The following GPC6 variants were observed in gnomAD, a reference collection of about 807,000 sequenced individuals.
GPC6 encodes glypican-6.
Under a neutral mutation model 55.2 loss-of-function variants are expected in GPC6, and 14 were observed. The ratio of observed to expected loss-of-function variants is 0.25; its 90% confidence interval spans 0.17 to 0.40. The LOEUF (loss-of-function observed/expected upper bound fraction) is 0.40, where lower values mean the gene tolerates loss of function less well. GPC6 is among the 10% of genes least tolerant of loss of function. The pLI is 1.00. For missense variants in GPC6, 641 were observed against 708.5 expected, an observed-to-expected ratio of 0.90 and a Z score of 1.08; for synonymous variants, 278 against 259.6, an observed-to-expected ratio of 1.07 and a Z score of -0.68.
intron 3 of GPC6, among the ~76,000 whole-genome samples, chr13:93,936,938 G>A (rs1030048074): frequency 2.0e-5 from 3 of 152,162 alleles, no homozygotes; most frequent in African/African-American, 7.2e-5. Flanking sequence ...ATATTTTGTG[G>A]TTACTAGGTG....
At chr13:93,409,614 G>A (rs907075803) in intron 1 of GPC6, among the ~76,000 whole-genome samples, 7 of 152,124 alleles carry the variant, frequency 4.6e-5, no homozygotes, top group Non-Finnish European at 1.0e-4. Context: ...TTGTGGCCTG[G>A]AACCTTTTGT....
At chr13:94,016,167 G>A (rs547973702) in intron 3 of GPC6, among the ~76,000 whole-genome samples, 22 of 152,216 alleles carry the variant, frequency 1.4e-4, no homozygotes, top group African/African-American at 4.6e-4. Flanking sequence ...CTTATTTTAC[G>A]TAGCATAATG....
intron 2 of GPC6, among the ~76,000 whole-genome samples, chr13:93,600,949 CAAAAAAA>C (rs1196219049): frequency 3.7e-5 from 1 of 27,024 alleles, no homozygotes; most frequent in Non-Finnish European, 8.1e-5. Context: ...AATTCCGCCT[CAAAAAAA>C]AAAAAAAAAA....
intron 1 of GPC6, among the ~76,000 whole-genome samples, chr13:93,461,085 G>C (rs1446733386): frequency 6.6e-6 from 1 of 151,984 alleles, no homozygotes; most frequent in Non-Finnish European, 1.5e-5. Context: ...ATATGTGTGT[G>C]TTTTGTTTTT....
chr13:93,377,209 G>T (rs1396311796), intron 1 of GPC6, among the ~76,000 whole-genome samples: 1 of 152,172 alleles, frequency 6.6e-6, no homozygotes, highest in African/African-American at 2.4e-5. Flanking sequence ...AGATGGGCCA[G>T]AGAAACACCA....
At chr13:93,243,893 G>A (rs1432242216) in intron 1 of GPC6, among the ~76,000 whole-genome samples, 1 of 152,128 alleles carries the variant, frequency 6.6e-6, no homozygotes, top group African/African-American at 2.4e-5. Context: ...CTGCTGGGGT[G>A]GCCATGGGAT....
chr13:93,298,810 G>A lies in GPC6; in HGVS notation c.160+71194G>A, dbSNP rs569386928. On this transcript the variant is annotated intron_variant, in intron 1 of 8. Coordinates refer to ENST00000377047, the MANE Select transcript of GPC6 (RefSeq NM_005708.5). Reference sequence around the variant, plus strand: ...GCCTGACGTGGATTTTCTCTCTCTGGGAGTCTAGGTTAGGTATCTCTCAAG... The same window carrying A: ...GCCTGACGTGGATTTTCTCTCTCTGAGAGTCTAGGTTAGGTATCTCTCAAG... Among the ~76,000 whole-genome samples, 3 of 151,574 alleles carry A rather than the reference G, an allele frequency of 2.0e-5. No individual in the cohort carries two copies. In the South Asian group the frequency reaches 6.2e-4, roughly 32 times the overall value.
intron 4 of GPC6, among the ~76,000 whole-genome samples, chr13:94,205,213 A>G (rs1355076210): frequency 1.3e-5 from 2 of 152,162 alleles, no homozygotes; most frequent in African/African-American, 4.8e-5. Flanking sequence ...ACCGTTTCTT[A>G]GTCACTGCTA....
At chr13:94,187,182 A>C (rs1184146783) in intron 4 of GPC6, 1 of 152,170 alleles carries the variant, frequency 6.6e-6, no homozygotes, top group Non-Finnish European at 1.5e-5. Context: ...CAACGTGTGT[A>C]TCCTCCCTCA....
At chr13:94,318,224 C>T (rs1160537466) in intron 6 of GPC6, among the ~76,000 whole-genome samples, 1 of 152,122 alleles carries the variant, frequency 6.6e-6, no homozygotes. Flanking sequence ...CTATCAATTA[C>T]TGAAAGAGAG....
chr13:94,040,209 C>A (rs1408216654), intron 4 of GPC6, among the ~76,000 whole-genome samples: 2 of 151,732 alleles, frequency 1.3e-5, no homozygotes, highest in Non-Finnish European at 2.9e-5. Flanking sequence ...TTTACAAAAA[C>A]CTTCCCCAAA....
intron 4 of GPC6, among the ~76,000 whole-genome samples, chr13:94,185,272 AAAAG>A (rs1356776319): frequency 4.9e-4 from 75 of 151,954 alleles, no homozygotes; most frequent in Middle Eastern, 3.4e-3. Context: ...AAAAAAAAAA[AAAAG>A]AAGCCATTGG....
At chr13:93,299,798 C>T (rs1878612456) in intron 1 of GPC6, among the ~76,000 whole-genome samples, 1 of 152,152 alleles carries the variant, frequency 6.6e-6, no homozygotes, top group South Asian at 2.1e-4. Flanking sequence ...TATGTAATTA[C>T]TAGTATCAAC....
At chr13:93,785,549 A>G (rs1467052146) in intron 2 of GPC6, among the ~76,000 whole-genome samples, 1 of 152,194 alleles carries the variant, frequency 6.6e-6, no homozygotes, top group Non-Finnish European at 1.5e-5. Flanking sequence ...AGATAGCTGG[A>G]GAAGGAAAGA....
chr13:93,326,433 T>C (rs1389925012), intron 1 of GPC6, among the ~76,000 whole-genome samples: 1 of 150,454 alleles, frequency 6.6e-6, no homozygotes, highest in African/African-American at 2.4e-5. Context: ...CTACATTCTC[T>C]CTCTGGCTAC....
intron 2 of GPC6, among the ~76,000 whole-genome samples, chr13:93,608,049 A>G (rs1400096048): frequency 6.6e-6 from 1 of 151,464 alleles, no homozygotes; most frequent in Non-Finnish European, 1.5e-5. Context: ...TTTTTTTTCT[A>G]GTATCACTTA....
chr13:93,838,015 A>AC (rs1887805746), intron 3 of GPC6, among the ~76,000 whole-genome samples: 1 of 152,202 alleles, frequency 6.6e-6, no homozygotes, highest in Admixed American at 6.5e-5. Context: ...TTGAATGAAA[A>AC]CCATCTATTT....
chr13:94,189,102 T>A (rs565896701), intron 4 of GPC6, among the ~76,000 whole-genome samples: 26 of 152,294 alleles, frequency 1.7e-4, no homozygotes, highest in African/African-American at 6.0e-4. Context: ...TCAAGAGACA[T>A]TATCCCTGAA....
intron 4 of GPC6, among the ~76,000 whole-genome samples, chr13:94,183,778 A>G (rs1889077314): frequency 6.6e-6 from 1 of 152,296 alleles, no homozygotes; most frequent in African/African-American, 2.4e-5. Context: ...AGGTCCACAC[A>G]TGCTGTCTTC....
Sources: allele counts gnomAD v4.1 joint callset (sites outside exome capture counted in the v4.1 genomes callset), GRCh38; gene constraint gnomAD v4.1.1; transcripts MANE v1.5; gene names NCBI Gene and HGNC (gene_info 2026-07-23, HGNC 2026-07-21).